The following DGCR2 variants were observed in gnomAD, a reference collection of about 807,000 sequenced individuals.
DGCR2 encodes integral membrane protein DGCR2/IDD.
DGCR2 carries 24 observed loss-of-function variants against 51.6 expected under a neutral mutation model. The ratio of observed to expected loss-of-function variants is 0.47; its 90% CI spans 0.34 to 0.65. The LOEUF (loss-of-function observed/expected upper bound fraction) is 0.65, where lower values mean the gene tolerates loss of function less well. Among genes scored for constraint, DGCR2 ranks in the 30% least tolerant of loss-of-function variants. DGCR2 has a pLI of 0.01. For synonymous variants in DGCR2, 340 were observed against 315.4 expected (o/e 1.08, Z -0.82); for missense variants, 765 against 772.1 (o/e 0.99, Z 0.11).
intron 3 of DGCR2, among the ~76,000 whole-genome samples, chr22:19,067,591 G>A (rs1290632716): frequency 2.0e-5 from 3 of 152,054 alleles, no homozygotes; most frequent in Non-Finnish European, 4.4e-5. Flanking sequence ...TACTCGGGAG[G>A]CTAAGACAGG....
At chr22:19,065,760 G>C (rs2082740975) in intron 3 of DGCR2, 1 of 152,564 alleles carries the variant, frequency 6.6e-6, no homozygotes, top group Non-Finnish European at 1.5e-5. Context: ...GCTCACCTTA[G>C]GTAACACCAG....
chr22:19,098,716 T>G (rs1323004040), intron 1 of DGCR2, among the ~76,000 whole-genome samples: 1 of 152,166 alleles, frequency 6.6e-6, no homozygotes, highest in African/African-American at 2.4e-5. Flanking sequence ...GACTCCCAAG[T>G]AGCTGGGACT....
At chr22:19,042,899 A>G (rs1308390770) in intron 7 of DGCR2, among the ~76,000 whole-genome samples, 1 of 152,122 alleles carries the variant, frequency 6.6e-6, no homozygotes, top group Non-Finnish European at 1.5e-5. Context: ...GGCAGAGAAA[A>G]TGCGCATCCC....
chr22:19,063,728 A>C (rs1260439842), intron 4 of DGCR2, among the ~76,000 whole-genome samples: 1 of 152,132 alleles, frequency 6.6e-6, no homozygotes, highest in African/African-American at 2.4e-5. Flanking sequence ...AGGGCAGGAA[A>C]AGTTTTATCT....
intron 2 of DGCR2, among the ~76,000 whole-genome samples, chr22:19,072,170 G>A (rs891374372): frequency 6.6e-6 from 1 of 152,156 alleles, no homozygotes; most frequent in African/African-American, 2.4e-5. Context: ...CAGTTCAGCT[G>A]AAAATCAGGG....
intron 2 of DGCR2, among the ~76,000 whole-genome samples, chr22:19,088,142 T>C (rs553579938): frequency 6.6e-6 from 1 of 152,326 alleles, no homozygotes; most frequent in African/African-American, 2.4e-5. Flanking sequence ...GTACTAAGCC[T>C]ATAGGAATTA....
chr22:19,090,707 T>C (rs2083068660), intron 1 of DGCR2, among the ~76,000 whole-genome samples: 1 of 152,090 alleles, frequency 6.6e-6, no homozygotes, highest in Admixed American at 6.6e-5. Context: ...GTCCATCACT[T>C]GAAGGTAGTC....
At chr22:19,082,403 G>A (rs1027657729) in intron 2 of DGCR2, among the ~76,000 whole-genome samples, 2 of 151,588 alleles carry the variant, frequency 1.3e-5, no homozygotes, top group Non-Finnish European at 2.9e-5. Context: ...TTTTAATCTA[G>A]CAAATTCAGT....
intron 2 of DGCR2, among the ~76,000 whole-genome samples, chr22:19,084,351 G>T (rs1354298576): frequency 6.6e-6 from 1 of 150,456 alleles, no homozygotes; most frequent in Non-Finnish European, 1.5e-5. Flanking sequence ...GGGATGTGAA[G>T]AGCACCTCTG....
rs1883115608 is a variant in DGCR2 at position 19,038,769 on chromosome 22, C to T, written c.*96G>A. 5 of 1,508,210 alleles carry T rather than the reference C, an allele frequency of 3.3e-6. No homozygotes were observed. The highest frequency in any genetic ancestry group is 4.5e-6 in the Non-Finnish European group (5 of 1,113,618). The allele number at this position is 1,508,210 out of a possible 1,614,324, so 93.4% of individuals were successfully genotyped here. On this transcript the variant is annotated 3_prime_UTR_variant, in exon 10 of 10. Coordinates refer to ENST00000263196, the MANE Select transcript of DGCR2 (RefSeq NM_005137.3). ...AGTGACGTGCGGCAGTGCGTGGCGT[C>T]CAGGCTGGGACAGGGGCCTTTCAAG...
At chr22:19,111,944 G>C (rs1054528820) in intron 1 of DGCR2, among the ~76,000 whole-genome samples, 4 of 151,384 alleles carry the variant, frequency 2.6e-5, no homozygotes, top group East Asian at 1.9e-4. Flanking sequence ...CGAAGGCTCA[G>C]GACTGTCAGA....
intron 1 of DGCR2, among the ~76,000 whole-genome samples, chr22:19,100,781 C>G (rs771892776): frequency 1.3e-5 from 2 of 152,026 alleles, no homozygotes; most frequent in African/African-American, 4.8e-5. Context: ...TGGGTTATAT[C>G]TGTCAATATT....
At chr22:19,101,110 C>CA (rs958459056) in intron 1 of DGCR2, among the ~76,000 whole-genome samples, 3 of 151,470 alleles carry the variant, frequency 2.0e-5, no homozygotes, top group Non-Finnish European at 4.4e-5. Context: ...AACCCTGTCT[C>CA]AAAAAAAACA....
At chr22:19,095,012 A>ACG (rs2083122854) in intron 1 of DGCR2, among the ~76,000 whole-genome samples, 1 of 152,228 alleles carries the variant, frequency 6.6e-6, no homozygotes, top group African/African-American at 2.4e-5. Flanking sequence ...GGGTGACGAT[A>ACG]CGCTGTGTTT....
chr22:19,089,626 C>G, intron 1 of DGCR2, 136 bp from the exon 2 acceptor site: 1 of 1,076,768 alleles, frequency 9.3e-7, no homozygotes, highest in East Asian at 3.2e-5. Context: ...GTCACCCAGG[C>G]TGGAGTGCCA....
chr22:19,082,854 C>T (rs955928860), intron 2 of DGCR2, among the ~76,000 whole-genome samples: 2 of 152,068 alleles, frequency 1.3e-5, no homozygotes, highest in Non-Finnish European at 2.9e-5. Flanking sequence ...TCTGGGAAGC[C>T]GAAGCAGGCA....
chr22:19,100,526 C>T (rs1402234686), intron 1 of DGCR2, among the ~76,000 whole-genome samples: 1 of 151,948 alleles, frequency 6.6e-6, no homozygotes, highest in Admixed American at 6.6e-5. Context: ...ATTAGCCGGA[C>T]GTGGTGGTGG....
intron 2 of DGCR2, among the ~76,000 whole-genome samples, chr22:19,074,537 A>G (rs997969848): frequency 6.6e-6 from 1 of 152,154 alleles, no homozygotes; most frequent in African/African-American, 2.4e-5. Flanking sequence ...CAGGGCCCAG[A>G]CTCACCCACC....
Position 19,103,125 on chromosome 22 carries a change from G to C in DGCR2, c.80-13635C>G, listed in dbSNP as rs1569084464. On this transcript the variant is annotated intron_variant, in intron 1 of 9. Coordinates refer to ENST00000263196, the MANE Select transcript of DGCR2 (RefSeq NM_005137.3). ...ATGAACTGCGAAAACATAATGCTAAGTGAAAGAAGCCAGACACAAAGGACA... is the reference window on the plus strand; with the variant it reads ...ATGAACTGCGAAAACATAATGCTAACTGAAAGAAGCCAGACACAAAGGACA... 2.0e-5 allele frequency among the ~76,000 whole-genome samples: 3 copies of C among 152,076 alleles called. 1 individual carries two copies. Among genetic ancestry groups the C allele is most frequent in the South Asian group, 4.1e-4 (2 of 4,828 alleles).
Sources: allele counts gnomAD v4.1 joint callset (sites outside exome capture counted in the v4.1 genomes callset), GRCh38; gene constraint gnomAD v4.1.1; transcripts MANE v1.5; gene names NCBI Gene and HGNC (gene_info 2026-07-23, HGNC 2026-07-21).